Variants in RSRC1 observed in about 807,000 individuals in gnomAD.
RSRC1 encodes serine/Arginine-related protein 53.
A neutral mutation model predicts 49.1 loss-of-function variants in RSRC1; 39 were observed. That is an observed-to-expected ratio of 0.79 (90% CI 0.61 to 1.04). The LOEUF (loss-of-function observed/expected upper bound fraction) is 1.04, where lower values mean the gene tolerates loss of function less well. Ranked by LOEUF, RSRC1 falls within the 50% of genes least tolerant of loss-of-function variation. The probability of loss-of-function intolerance (pLI) is 0.00; values close to 1 mark genes in which losing one functional copy is unlikely to be tolerated. For missense variants in RSRC1, 388 were observed against 402.4 expected, an observed-to-expected ratio of 0.96 and a Z score of 0.31; for synonymous variants, 143 against 130.8, an observed-to-expected ratio of 1.09 and a Z score of -0.63.
At chr3:158,503,224 T>A (rs1739687970) in intron 7 of RSRC1, among the ~76,000 whole-genome samples, 1 of 152,036 alleles carries the variant, frequency 6.6e-6, no homozygotes, top group African/African-American at 2.4e-5. Flanking sequence ...CTGCACAGAG[T>A]CCTATGATGT....
At chr3:158,499,567 T>C (rs1039054207) in intron 7 of RSRC1, among the ~76,000 whole-genome samples, 8 of 152,296 alleles carry the variant, frequency 5.3e-5, no homozygotes, top group African/African-American at 1.9e-4. Context: ...CAGCAGTGTT[T>C]TGTAGTTTTC....
At chr3:158,492,924 T>G (rs1273096471) in intron 7 of RSRC1, among the ~76,000 whole-genome samples, 3 of 152,062 alleles carry the variant, frequency 2.0e-5, no homozygotes, top group African/African-American at 4.8e-5. Context: ...AAAACCAGAT[T>G]AAGGGGAGAA....
intron 7 of RSRC1, among the ~76,000 whole-genome samples, chr3:158,508,531 G>A (rs1232078849): frequency 1.3e-5 from 2 of 149,480 alleles, no homozygotes; most frequent in African/African-American, 2.5e-5. Context: ...ATATGTAGTC[G>A]CCCCCCGCCC....
intron 6 of RSRC1, among the ~76,000 whole-genome samples, chr3:158,429,789 A>G (rs1735675350): frequency 6.6e-6 from 1 of 151,554 alleles, no homozygotes; most frequent in Non-Finnish European, 1.5e-5. Context: ...AGAAAGACGA[A>G]CACTGCATGA....
chr3:158,290,897 G>T (rs985470193), intron 4 of RSRC1, among the ~76,000 whole-genome samples: 8 of 152,134 alleles, frequency 5.3e-5, no homozygotes, highest in Non-Finnish European at 1.2e-4. Flanking sequence ...AAAATCTACT[G>T]TACATTTTTA....
At position 158,218,094 on chromosome 3, in the gene RSRC1, G is replaced by A. The variant is rs372717632; in HGVS notation, c.494+14849G>A. On this transcript the variant is annotated intron_variant, in intron 4 of 9. Coordinates refer to ENST00000611884, the MANE Select transcript of RSRC1 (RefSeq NM_001271838.2). ...GGGAAGCACTGTCTGAGATGGGGCCGGAGAAACAGATAGGGGCTAGACTAT... is the reference window on the plus strand; with the variant it reads ...GGGAAGCACTGTCTGAGATGGGGCCAGAGAAACAGATAGGGGCTAGACTAT... 7.9e-5 allele frequency among the ~76,000 whole-genome samples: 12 copies of A among 151,726 alleles called. 1 individual carries two copies. In the South Asian group the frequency reaches 1.2e-3, roughly 16 times the overall value.
chr3:158,194,054 T>TACACACACAC lies in RSRC1; in HGVS notation c.321-8978_321-8969dup, dbSNP rs10530687. 6.4e-3 allele frequency among the ~76,000 whole-genome samples: 928 copies of TACACACACAC among 144,108 alleles called. 13 individuals are homozygous for TACACACACAC. The highest frequency in any genetic ancestry group is 0.022 in the African/African-American group (831 of 38,150). 94.5% of individuals were successfully genotyped at this position (144,108 alleles called of 152,430 possible). On this transcript the variant is annotated intron_variant, in intron 3 of 9. Coordinates refer to ENST00000611884, the MANE Select transcript of RSRC1 (RefSeq NM_001271838.2). ...GGGCAAAATAGTGAGACCCCGTCTATACACACACACACACACACACACACA... is the reference window on the plus strand; with the variant it reads ...GGGCAAAATAGTGAGACCCCGTCTATACACACACACACACACACACACACACACACACACA...
chr3:158,352,362 C>T (rs889374563), intron 5 of RSRC1, among the ~76,000 whole-genome samples: 1 of 152,052 alleles, frequency 6.6e-6, no homozygotes, highest in Non-Finnish European at 1.5e-5. Context: ...AAGAGATCTT[C>T]TATAGAGGGA....
At chr3:158,398,421 T>C (rs1578427199) in intron 6 of RSRC1, among the ~76,000 whole-genome samples, 1 of 152,108 alleles carries the variant, frequency 6.6e-6, no homozygotes, top group African/African-American at 2.4e-5. Context: ...CCTTGAACTT[T>C]GCACACTGCA....
chr3:158,121,862 C>T (rs748423082), intron 1 of RSRC1, among the ~76,000 whole-genome samples: 9 of 152,062 alleles, frequency 5.9e-5, no homozygotes, highest in Non-Finnish European at 1.3e-4. Context: ...ACATTGAGGC[C>T]AGAAATGGTG....
At chr3:158,143,789 A>G (rs1274344079) in intron 3 of RSRC1, among the ~76,000 whole-genome samples, 1 of 152,344 alleles carries the variant, frequency 6.6e-6, no homozygotes, top group Non-Finnish European at 1.5e-5. Context: ...TATCCCACCA[A>G]GAGGATATTA....
intron 7 of RSRC1, among the ~76,000 whole-genome samples, chr3:158,513,191 G>A (rs1223820793): frequency 8.7e-5 from 13 of 149,614 alleles, no homozygotes; most frequent in African/African-American, 3.0e-4. Flanking sequence ...CCTGTCTTGT[G>A]CCAGTTTTCA....
chr3:158,323,401 A>T (rs895605078), intron 5 of RSRC1, among the ~76,000 whole-genome samples: 1 of 152,202 alleles, frequency 6.6e-6, no homozygotes, highest in African/African-American at 2.4e-5. Context: ...ATACATTCAA[A>T]GGTGGAGCAA....
At chr3:158,349,263 T>C (rs1211083883) in intron 5 of RSRC1, among the ~76,000 whole-genome samples, 2 of 152,168 alleles carry the variant, frequency 1.3e-5, no homozygotes, top group Non-Finnish European at 2.9e-5. Context: ...TAATAATAGC[T>C]GTTCTGAGTG....
At chr3:158,388,326 T>C (rs1184157347) in intron 6 of RSRC1, among the ~76,000 whole-genome samples, 1 of 152,058 alleles carries the variant, frequency 6.6e-6, no homozygotes, top group Non-Finnish European at 1.5e-5. Flanking sequence ...AAATAATCCT[T>C]GATATATTAA....
chr3:158,158,238 C>G (rs1717997113), intron 3 of RSRC1, among the ~76,000 whole-genome samples: 1 of 151,992 alleles, frequency 6.6e-6, no homozygotes, highest in Non-Finnish European at 1.5e-5. Context: ...TGGGTTTGAG[C>G]TATGTGAGTT....
chr3:158,385,369 T>C (rs1434675348), intron 6 of RSRC1, among the ~76,000 whole-genome samples: 1 of 152,166 alleles, frequency 6.6e-6, no homozygotes, highest in African/African-American at 2.4e-5. Flanking sequence ...CCTACTGCTA[T>C]GTGTCAGGAA....
chr3:158,275,911 G>A, intron 4 of RSRC1: 1 of 700,086 alleles, frequency 1.4e-6, no homozygotes. Flanking sequence ...AAAGGCCACG[G>A]CTCTTTTGGC....
chr3:158,179,705 T>G lies in RSRC1; in HGVS notation c.321-23367T>G, dbSNP rs1290144659. 2.6e-5 allele frequency among the ~76,000 whole-genome samples: 4 copies of G among 152,332 alleles called. No individual in the cohort carries two copies. In the East Asian group the frequency reaches 7.7e-4, roughly 29 times the overall value. ...AAAAGTTACTATGATAATGCATGTA[T>G]AGGTTTTTGTGTGAACATATTATTT... is the stretch of plus-strand genomic sequence containing the variant. On this transcript the variant is annotated intron_variant, in intron 3 of 9. Transcript: ENST00000611884.
Sources: allele counts gnomAD v4.1 joint callset (sites outside exome capture counted in the v4.1 genomes callset), GRCh38; gene constraint gnomAD v4.1.1; transcripts MANE v1.5; gene names NCBI Gene and HGNC (gene_info 2026-07-23, HGNC 2026-07-21).